MARCHF1: variants seen among roughly 807,000 people sequenced by gnomAD.
MARCHF1 encodes the protein E3 ubiquitin-protein ligase MARCHF1.
MARCHF1 carries 40 observed loss-of-function variants against 54.2 expected under a neutral mutation model. The observed-to-expected ratio is 0.74, with a 90% CI of 0.57 to 0.96. MARCHF1 has a LOEUF of 0.96. MARCHF1 is among the 40% of genes least tolerant of loss of function. The pLI, the probability that MARCHF1 is intolerant of heterozygous loss-of-function variation, is 0.00. For synonymous variants in MARCHF1, 236 were observed against 236.3 expected, an observed-to-expected ratio of 1.00 and a Z score of 0.01; for missense variants, 586 against 656.5, an observed-to-expected ratio of 0.89 and a Z score of 1.17.
chr4:163,850,449 T>A (rs556984297), intron 4 of MARCHF1, among the ~76,000 whole-genome samples: 32 of 152,348 alleles, frequency 2.1e-4, no homozygotes, highest in African/African-American at 7.0e-4. Flanking sequence ...CTTTTTGACA[T>A]TTTAGCTTTC....
chr4:163,859,932 G>C (rs905440510), intron 3 of MARCHF1, among the ~76,000 whole-genome samples: 1 of 152,124 alleles, frequency 6.6e-6, no homozygotes, highest in Non-Finnish European at 1.5e-5. Flanking sequence ...TGTTAGTGTG[G>C]AACTCAGCAC....
chr4:164,291,784 AATCTT>A (rs1321581821), intron 1 of MARCHF1, among the ~76,000 whole-genome samples: 4 of 152,046 alleles, frequency 2.6e-5, no homozygotes, highest in Admixed American at 6.6e-5. Flanking sequence ...GTGGTATTAT[AATCTT>A]ATGGGACCAC....
At chr4:164,198,926 T>A (rs1034293189) in intron 1 of MARCHF1, among the ~76,000 whole-genome samples, 5 of 152,196 alleles carry the variant, frequency 3.3e-5, no homozygotes, top group African/African-American at 1.2e-4. Context: ...AGGCTAAAAT[T>A]CTAGGCAAAT....
chr4:163,964,462 G>A (rs1752403151), intron 3 of MARCHF1, among the ~76,000 whole-genome samples: 1 of 151,966 alleles, frequency 6.6e-6, no homozygotes, highest in African/African-American at 2.4e-5. Context: ...ATCTTCCAGA[G>A]TTTCTGATTC....
rs535167493 is a variant in MARCHF1, at chr4:164,181,152, G to T, written c.-322-69490C>A. ...ACTTTAGCCACCTAAGCCTTCTTTA[G>T]CTCCTCATACCCACCAACCTTCTCC... On this transcript the variant is annotated intron_variant, in intron 1 of 9. Transcript: ENST00000514618. 4.6e-5 allele frequency among the ~76,000 whole-genome samples: 7 copies of T among 152,146 alleles called. No homozygotes were observed. The South Asian group carries it at 1.0e-3, about 23-fold the overall frequency.
intron 1 of MARCHF1, chr4:164,190,097 G>T: frequency 2.8e-6 from 4 of 1,426,808 alleles, no homozygotes; most frequent in South Asian, 1.2e-5. Context: ...TAAAGAATCA[G>T]ATTGGAGATA....
chr4:163,734,475 T>C (rs969465004), intron 4 of MARCHF1, among the ~76,000 whole-genome samples: 12 of 149,578 alleles, frequency 8.0e-5, no homozygotes, highest in Non-Finnish European at 1.5e-4. Context: ...TCAACAAAAA[T>C]GAATGAACGG....
At chr4:164,205,210 T>C (rs1049408874) in intron 1 of MARCHF1, among the ~76,000 whole-genome samples, 1 of 152,204 alleles carries the variant, frequency 6.6e-6, no homozygotes, top group South Asian at 2.1e-4. Flanking sequence ...ACAATCTATG[T>C]ATAATGATCA....
In MARCHF1 at chr4:163,979,793, T is replaced by C. The variant is rs1262913961; in HGVS notation, c.-39+8708A>G. Among the ~76,000 whole-genome samples, 11 of 152,300 alleles carry C rather than the reference T, an allele frequency of 7.2e-5. No individual in the cohort carries two copies. In the East Asian group the frequency reaches 1.4e-3, roughly 19 times the overall value. ...GCCAGTGATGATGAGCATTTTTTCATGTGTTTTTTGGCTGCATAAATGTCT... is the reference window on the plus strand; with the variant it reads ...GCCAGTGATGATGAGCATTTTTTCACGTGTTTTTTGGCTGCATAAATGTCT... On this transcript the variant is annotated intron_variant, in intron 3 of 9. Coordinates refer to ENST00000514618, the MANE Select transcript of MARCHF1 (RefSeq NM_001394959.1).
intron 4 of MARCHF1, among the ~76,000 whole-genome samples, chr4:163,739,601 G>C (rs9998935): frequency 0.052 from 7,979 of 152,184 alleles, 501 homozygotes; most frequent in African/African-American, 0.15. Flanking sequence ...ACACTCTTCA[G>C]TATTTAGCAA....
At chr4:164,035,130 A>T (rs1055576757) in intron 2 of MARCHF1, among the ~76,000 whole-genome samples, 7 of 152,142 alleles carry the variant, frequency 4.6e-5, no homozygotes, top group Non-Finnish European at 8.8e-5. Context: ...ATGAAAATTT[A>T]CTTATATAAT....
chr4:163,987,269 G>A, intron 3 of MARCHF1, among the ~76,000 whole-genome samples: 1 of 152,132 alleles, frequency 6.6e-6, no homozygotes, highest in Non-Finnish European at 1.5e-5. Context: ...TATTTGATGT[G>A]TTTATGATGA....
At chr4:164,133,713 A>C (rs879742719) in intron 1 of MARCHF1, among the ~76,000 whole-genome samples, 16 of 152,322 alleles carry the variant, frequency 1.1e-4, no homozygotes, top group Non-Finnish European at 2.1e-4. Context: ...AAAGAACTAA[A>C]ACTCTTAAAA....
intron 5 of MARCHF1, among the ~76,000 whole-genome samples, chr4:163,679,989 T>A (rs1227952387): frequency 6.6e-6 from 1 of 151,474 alleles, no homozygotes; most frequent in Non-Finnish European, 1.5e-5. Flanking sequence ...GTTTTTTTTT[T>A]TTTTTTCTTT....
At chr4:163,547,913 GTTTT>G (rs1273015780) in intron 8 of MARCHF1, among the ~76,000 whole-genome samples, 1 of 152,084 alleles carries the variant, frequency 6.6e-6, no homozygotes, top group Non-Finnish European at 1.5e-5. Context: ...CTTGTACTTT[GTTTT>G]TTATCAAACT....
At chr4:163,541,826 C>T (rs1243122121) in intron 9 of MARCHF1, among the ~76,000 whole-genome samples, 1 of 152,200 alleles carries the variant, frequency 6.6e-6, no homozygotes, top group East Asian at 1.9e-4. Flanking sequence ...AGGATCAGCA[C>T]TCACAGTCCC....
At chr4:164,298,141 C>A (rs6845721) in intron 1 of MARCHF1, among the ~76,000 whole-genome samples, 35,815 of 151,936 alleles carry the variant, frequency 0.24, 4,512 homozygotes, top group Admixed American at 0.36. Flanking sequence ...TAAGGAAAAG[C>A]ATTTGGATAT....
intron 9 of MARCHF1, among the ~76,000 whole-genome samples, chr4:163,544,005 T>A (rs947810290): frequency 1.3e-5 from 2 of 152,112 alleles, no homozygotes; most frequent in African/African-American, 4.8e-5. Context: ...AATCTAAGGG[T>A]ATCATGTCTG....
chr4:164,045,045 T>C (rs748561595), intron 2 of MARCHF1, among the ~76,000 whole-genome samples: 31 of 152,034 alleles, frequency 2.0e-4, no homozygotes, highest in Non-Finnish European at 1.2e-4. Context: ...TTGTGGGATA[T>C]ATTAAAAGTC....
Sources: gnomAD v4.1 joint callset for allele counts (sites outside exome capture counted in the v4.1 genomes callset) on GRCh38, gnomAD v4.1.1 for gene constraint, MANE v1.5 for transcripts, NCBI Gene and HGNC (gene_info 2026-07-23, HGNC 2026-07-21) for gene names.